SKI: variants seen among roughly 807,000 people sequenced by gnomAD.
SKI encodes ski oncogene.
In SKI, 23 loss-of-function variants were observed where a neutral mutation model predicts 59.3. The observed-to-expected ratio is 0.39, with a 90% confidence interval of 0.28 to 0.55. SKI has a LOEUF of 0.55. SKI is among the 20% of genes least tolerant of loss of function. The probability of loss-of-function intolerance (pLI) is 0.67; values close to 1 mark genes in which losing one functional copy is unlikely to be tolerated. For missense variants in SKI, 1,017 were observed against 1,038.9 expected (o/e 0.98, Z 0.29); for synonymous variants, 673 against 488.6 (o/e 1.38, Z -4.98).
In SKI at chr1:2,306,681, G is replaced by T; in HGVS notation, c.2103G>T (p.Val701=). 6.5e-7 allele frequency: 1 copy of T among 1,544,654 alleles called. No individual in the cohort carries two copies. The highest frequency in any genetic ancestry group is 8.7e-7 in the Non-Finnish European group (1 of 1,145,158). Residue 701 remains valine, a synonymous_variant, in exon 7 of 7, where the codon GTG becomes GTT. Transcript: ENST00000378536. ...AGGCCCGGGAGCACCTGGAGAAGGT[G>T]GTGAAGGAGCTGCAGGAACAGCTGT... is the stretch of plus-strand genomic sequence containing the variant. ...EREAREHLEK[V]VKELQEQLWP...
At chr1:2,282,204 CGCCTG>C (rs1639902447) in intron 1 of SKI, among the ~76,000 whole-genome samples, 2 of 8,790 alleles carry the variant, frequency 2.3e-4, no homozygotes, top group Non-Finnish European at 2.0e-4. Context: ...AGAGAGAGGA[CGCCTG>C]AGAAGACAGG....
intron 1 of SKI, among the ~76,000 whole-genome samples, chr1:2,239,588 G>A (rs1638822445): frequency 1.3e-5 from 2 of 152,274 alleles, no homozygotes; most frequent in African/African-American, 4.8e-5. Context: ...GATGGCCCGC[G>A]TGCCGGGGAC....
chr1:2,277,500 C>T (rs756566555), intron 1 of SKI, among the ~76,000 whole-genome samples: 16 of 152,196 alleles, frequency 1.1e-4, no homozygotes, highest in Non-Finnish European at 1.5e-5. Flanking sequence ...CTTGCCGCTG[C>T]CATGTAAAAA....
chr1:2,248,657 G>T (rs543452563), intron 1 of SKI, among the ~76,000 whole-genome samples: 1 of 152,362 alleles, frequency 6.6e-6, no homozygotes, highest in South Asian at 2.1e-4. Flanking sequence ...GGCTGTACCT[G>T]TTGGTTTTCC....
At position 2,237,241 on chromosome 1, in the gene SKI, A is replaced by G. The variant is rs376542126; in HGVS notation, c.969+7506A>G. Among the ~76,000 whole-genome samples, 6 of 152,174 alleles carry G rather than the reference A, an allele frequency of 3.9e-5. No homozygotes were observed. The East Asian group carries it at 9.6e-4, about 24-fold the overall frequency. On this transcript the variant is annotated intron_variant, in intron 1 of 6. Coordinates refer to ENST00000378536, the MANE Select transcript of SKI (RefSeq NM_003036.4). ...AGTGGGTGAGGGGTGGTGGGAGGGC[A>G]GGGAGCGCCCAGCAGGTGTCCAGCG...
At chr1:2,242,547 T>C (rs899963241) in intron 1 of SKI, among the ~76,000 whole-genome samples, 8 of 152,184 alleles carry the variant, frequency 5.3e-5, no homozygotes, top group African/African-American at 1.4e-4. Context: ...GGAGACAAGG[T>C]CTCGCTCTGT....
At chr1:2,265,012 G>C (rs1225959064) in intron 1 of SKI, among the ~76,000 whole-genome samples, 1 of 151,872 alleles carries the variant, frequency 6.6e-6, no homozygotes, top group Admixed American at 6.6e-5. Flanking sequence ...GGGTTTCTCC[G>C]TGTTGGCCAG....
chr1:2,262,469 C>T lies in SKI; in HGVS notation c.969+32734C>T, dbSNP rs570306409. Among the ~76,000 whole-genome samples, 7 of 132,058 alleles carry T rather than the reference C, an allele frequency of 5.3e-5. 1 individual carries two copies. The East Asian group carries it at 1.6e-3, about 30-fold the overall frequency. 86.6% of individuals were successfully genotyped at this position (132,058 alleles called of 152,430 possible). A position where few individuals can be genotyped will look rare whatever the true frequency, so the allele number is the denominator to read the frequency against. On this transcript the variant is annotated intron_variant, in intron 1 of 6. Transcript: ENST00000378536. Reference sequence around the variant, plus strand: ...GAGTGGACGTCCTCGCTCCTGATCTCCTGATCTGGAAGGCGTGGAGTCAGA... The same window carrying T: ...GAGTGGACGTCCTCGCTCCTGATCTTCTGATCTGGAAGGCGTGGAGTCAGA...
At chr1:2,306,528 C>T (rs1350461338) in intron 6 of SKI, 49 bp from the exon 7 acceptor site, 4 of 1,517,476 alleles carry the variant, frequency 2.6e-6, no homozygotes, top group Middle Eastern at 2.3e-4. Flanking sequence ...AGCGTCGGGC[C>T]GGGGCAGGGC....
At chr1:2,277,171 C>T (rs1639760457) in intron 1 of SKI, among the ~76,000 whole-genome samples, 2 of 152,178 alleles carry the variant, frequency 1.3e-5, no homozygotes, top group African/African-American at 2.4e-5. Flanking sequence ...GATGGAGTCT[C>T]ACCCTGTCTC....
In SKI at chr1:2,269,589, G is replaced by T. The variant is rs776505192; in HGVS notation, c.970-33389G>T. 2.2e-4 allele frequency among the ~76,000 whole-genome samples: 33 copies of T among 152,386 alleles called. No homozygotes were observed. Among genetic ancestry groups the T allele is most frequent in the Admixed American group, 2.1e-3 (32 of 15,306 alleles). On this transcript the variant is annotated intron_variant, in intron 1 of 6. Transcript: ENST00000378536. The surrounding 1 kb of genome is among the most constrained non-coding windows in gnomAD (Gnocchi z 4.7). ...GTGAGGAGCTTTGCTGCCCTGGAGC[G>T]TCGCTTTGTGGGCAGAAGCCAACTT...
chr1:2,238,091 G>C (rs1054960529), intron 1 of SKI, among the ~76,000 whole-genome samples: 1 of 152,252 alleles, frequency 6.6e-6, no homozygotes, highest in Non-Finnish European at 1.5e-5. Flanking sequence ...GGTCCAGGCA[G>C]CTCCAGGGTG....
rs551267269 is a variant in SKI, at chr1:2,270,295, T to G, written c.970-32683T>G. ...TGTTATCCTCCCTGCGGGCCTGGCA[T>G]GGGAGTAGGGGCTGAGAGATGCTGG... On this transcript the variant is annotated intron_variant, in intron 1 of 6. Coordinates refer to ENST00000378536, the MANE Select transcript of SKI (RefSeq NM_003036.4). This position sits in a 1 kb window ranked among gnomAD's most constrained non-coding sequence, Gnocchi z 4.1. Among the ~76,000 whole-genome samples, 1 of 152,254 alleles carries G rather than the reference T, an allele frequency of 6.6e-6. No individual in the cohort carries two copies. Among genetic ancestry groups the G allele is most frequent in the South Asian group, 2.1e-4 (1 of 4,828 alleles).
intron 1 of SKI, among the ~76,000 whole-genome samples, chr1:2,271,275 T>C (rs1198263024): frequency 1.3e-5 from 2 of 152,102 alleles, no homozygotes; most frequent in Non-Finnish European, 2.9e-5. Context: ...GAAGAACACT[T>C]GCTGTCCTCC....
rs75635289 is a variant in SKI, at chr1:2,305,713, T to G, written c.1768-307T>G. Among the ~76,000 whole-genome samples the G allele has an allele frequency of 0.033, 4,963 of 152,250 alleles. 195 individuals are homozygous for G. Among genetic ancestry groups the G allele is most frequent in the African/African-American group, 0.089 (3,693 of 41,548 alleles). ...GATGGGAGCCAGGGCCTACTTGGCT[T>G]GCTGCCCCCAAGGGGAACGTGGCCC... On this transcript the variant is annotated intron_variant, in intron 5 of 6. Transcript: ENST00000378536.
chr1:2,270,625 C>T lies in SKI; in HGVS notation c.970-32353C>T, dbSNP rs575937056. ...TGCCTCCCGGGCAGACACCTCACGG[C>T]CTTTCTCTGGGTGTCTGAACCCAAG... is the stretch of plus-strand genomic sequence containing the variant. On this transcript the variant is annotated intron_variant, in intron 1 of 6. Transcript: ENST00000378536. This position sits in a 1 kb window ranked among gnomAD's most constrained non-coding sequence, Gnocchi z 4.1. 6.6e-6 allele frequency among the ~76,000 whole-genome samples: 1 copy of T among 152,208 alleles called. No homozygotes were observed. The highest frequency in any genetic ancestry group is 1.9e-4 in the East Asian group (1 of 5,182).
rs575543888 is a variant in SKI, at chr1:2,308,018, C to T, written c.*1253C>T. 51 of 152,542 alleles carry T rather than the reference C, an allele frequency of 3.3e-4. No individual in the cohort carries two copies. Among genetic ancestry groups the T allele is most frequent in the African/African-American group, 1.2e-3 (50 of 41,570 alleles). 9.4% of individuals were successfully genotyped at this position (152,542 alleles called of 1,614,324 possible). On this transcript the variant is annotated 3_prime_UTR_variant, in exon 7 of 7. Transcript: ENST00000378536. ...AATCTGCCACTCTCAGAATAAGTTCCTTGCATTTATTCCAAATAATCTCGT... is the reference window on the plus strand; with the variant it reads ...AATCTGCCACTCTCAGAATAAGTTCTTTGCATTTATTCCAAATAATCTCGT...
At chr1:2,257,393 G>A (rs1639296354) in intron 1 of SKI, among the ~76,000 whole-genome samples, 1 of 152,240 alleles carries the variant, frequency 6.6e-6, no homozygotes, top group African/African-American at 2.4e-5. Flanking sequence ...CAGACGTGCG[G>A]GCCAGCCCCG....
intron 1 of SKI, among the ~76,000 whole-genome samples, chr1:2,244,853 C>A (rs973840417): frequency 6.6e-6 from 1 of 152,010 alleles, no homozygotes; most frequent in Non-Finnish European, 1.5e-5. Flanking sequence ...CCATTGGTGA[C>A]CAAAAGAAAA....
Sources: allele counts gnomAD v4.1 joint callset (sites outside exome capture counted in the v4.1 genomes callset), GRCh38; gene constraint gnomAD v4.1.1; non-coding constraint Gnocchi (gnomAD v3.1); transcripts MANE v1.5; gene names NCBI Gene and HGNC (gene_info 2026-07-23, HGNC 2026-07-21).